The following PTPRR variants were observed in gnomAD, a reference collection of about 807,000 sequenced individuals.
PTPRR encodes the protein protein tyrosine phosphatase receptor type R.
PTPRR carries 38 observed loss-of-function variants against 77.2 expected under a neutral mutation model. The ratio of observed to expected loss-of-function variants is 0.49; its 90% CI spans 0.38 to 0.65. PTPRR has a LOEUF of 0.65. Among genes scored for constraint, PTPRR ranks in the 30% least tolerant of loss-of-function variants. The pLI is 0.00. For missense variants in PTPRR, 744 were observed against 799.2 expected (o/e 0.93, Z 0.83); for synonymous variants, 299 against 283.1 (o/e 1.06, Z -0.57).
At chr12:70,738,084 T>C (rs1889929787) in intron 6 of PTPRR, among the ~76,000 whole-genome samples, 1 of 152,206 alleles carries the variant, frequency 6.6e-6, no homozygotes, top group Middle Eastern at 3.2e-3. Flanking sequence ...TGTAGAATGG[T>C]CAACATTTTC....
intron 2 of PTPRR, among the ~76,000 whole-genome samples, chr12:70,844,110 C>T (rs552672103): frequency 1.3e-5 from 2 of 151,872 alleles, no homozygotes; most frequent in East Asian, 3.9e-4. Context: ...GTCACCATGC[C>T]CGGCTTAAAA....
intron 2 of PTPRR, among the ~76,000 whole-genome samples, chr12:70,770,391 C>G (rs893769790): frequency 9.2e-5 from 14 of 152,050 alleles, no homozygotes; most frequent in Non-Finnish European, 1.9e-4. Flanking sequence ...TTTATGCAGC[C>G]AAAAGACACA....
chr12:70,713,058 T>C (rs370657075), intron 6 of PTPRR, among the ~76,000 whole-genome samples: 4 of 152,260 alleles, frequency 2.6e-5, no homozygotes, highest in East Asian at 3.9e-4. Flanking sequence ...TCTCTCTCTC[T>C]CCAGGCTCTA....
chr12:70,831,306 T>C (rs897571830), intron 2 of PTPRR, among the ~76,000 whole-genome samples: 2 of 152,216 alleles, frequency 1.3e-5, no homozygotes, highest in Admixed American at 6.5e-5. Context: ...AATCACTTCA[T>C]TGGCAATTTA....
rs1565674697 is a variant in PTPRR at position 70,737,525 on chromosome 12, T to TCTATCTATCTAG, written c.1007+8292_1007+8293insCTAGATAGATAG. Among the ~76,000 whole-genome samples, 147 of 151,466 alleles carry TCTATCTATCTAG rather than the reference T, an allele frequency of 9.7e-4. 1 individual carries two copies. Among genetic ancestry groups the TCTATCTATCTAG allele is most frequent in the African/African-American group, 3.5e-3 (144 of 41,220 alleles). On this transcript the variant is annotated intron_variant, in intron 6 of 13. Transcript: ENST00000283228. ...ATCTATCTATCTATCTATCTATCTA[T>TCTATCTATCTAG]CTATCTATCTTTCGAGACAAAGTCT...
chr12:70,822,817 A>T (rs1478817618), intron 2 of PTPRR, among the ~76,000 whole-genome samples: 4 of 152,168 alleles, frequency 2.6e-5, no homozygotes, highest in Non-Finnish European at 4.4e-5. Flanking sequence ...TACGACCATA[A>T]TTTATTGAAA....
intron 13 of PTPRR, among the ~76,000 whole-genome samples, chr12:70,649,197 T>C (rs1886304080): frequency 6.6e-6 from 1 of 152,170 alleles, no homozygotes; most frequent in Non-Finnish European, 1.5e-5. Flanking sequence ...GGCATTGTAA[T>C]TTTTGGGGTG....
intron 2 of PTPRR, among the ~76,000 whole-genome samples, chr12:70,847,056 A>G (rs897992423): frequency 7.2e-5 from 11 of 152,136 alleles, no homozygotes; most frequent in South Asian, 2.1e-4. Context: ...GTGAAACTCA[A>G]TGATGGAAGA....
At chr12:70,820,435 G>A (rs946331375) in intron 2 of PTPRR, among the ~76,000 whole-genome samples, 3 of 152,104 alleles carry the variant, frequency 2.0e-5, no homozygotes, top group Admixed American at 1.3e-4. Context: ...CCGAGTTCAC[G>A]CCATTCTCCT....
At chr12:70,850,856 A>G (rs1231251343) in intron 2 of PTPRR, among the ~76,000 whole-genome samples, 1 of 152,204 alleles carries the variant, frequency 6.6e-6, no homozygotes, top group Non-Finnish European at 1.5e-5. Context: ...ATTGCTTTGC[A>G]CACAATACAA....
chr12:70,694,571 A>T (rs770158018), intron 8 of PTPRR, among the ~76,000 whole-genome samples: 18 of 152,290 alleles, frequency 1.2e-4, no homozygotes, highest in Middle Eastern at 3.4e-3. Context: ...CAAATATTGC[A>T]TGTTCTCACT....
chr12:70,648,912 G>C (rs1040151035), intron 13 of PTPRR, among the ~76,000 whole-genome samples: 1 of 151,924 alleles, frequency 6.6e-6, no homozygotes, highest in Non-Finnish European at 1.5e-5. Context: ...TTCAAAATAT[G>C]CTCAAAAGTA....
chr12:70,695,136 A>G (rs959533021), intron 8 of PTPRR, among the ~76,000 whole-genome samples: 10 of 152,172 alleles, frequency 6.6e-5, no homozygotes, highest in Non-Finnish European at 8.8e-5. Context: ...GCCTATCCAT[A>G]TATCTGTTGC....
At chr12:70,640,673 A>G (rs531897716) in intron 13 of PTPRR, among the ~76,000 whole-genome samples, 2 of 152,358 alleles carry the variant, frequency 1.3e-5, no homozygotes, top group South Asian at 4.1e-4. Flanking sequence ...AGTATCATTC[A>G]AAATAACTTT....
At chr12:70,750,095 C>T (rs992346551) in intron 5 of PTPRR, among the ~76,000 whole-genome samples, 1 of 152,052 alleles carries the variant, frequency 6.6e-6, no homozygotes, top group Admixed American at 6.6e-5. Flanking sequence ...TTGTGAGGTG[C>T]TAAATAAGTC....
At chr12:70,872,460 C>T (rs1408916847) in intron 2 of PTPRR, among the ~76,000 whole-genome samples, 3 of 151,860 alleles carry the variant, frequency 2.0e-5, no homozygotes, top group Non-Finnish European at 4.4e-5. Flanking sequence ...CTTTGGGAGG[C>T]CGAGGCAGGC....
rs542179097 is a variant in PTPRR at position 70,809,166 on chromosome 12, TA to T, written c.358-44389del. 2.3e-3 allele frequency among the ~76,000 whole-genome samples: 349 copies of T among 152,302 alleles called. 3 individuals are homozygous for T. The highest frequency in any genetic ancestry group is 0.01 in the Middle Eastern group (3 of 294). ...TAATAGGAAAGCTTATGTTTCCTTA[TA>T]AAAAAGACAGGCAGTAGAAGGGAGC... On this transcript the variant is annotated intron_variant, in intron 2 of 13. Transcript: ENST00000283228.
intron 10 of PTPRR, among the ~76,000 whole-genome samples, chr12:70,667,477 G>C (rs1412223937): frequency 6.6e-6 from 1 of 152,084 alleles, no homozygotes; most frequent in African/African-American, 2.4e-5. Context: ...CAACCCCCTG[G>C]TTACCCATGA....
chr12:70,769,703 T>G (rs866624215), intron 2 of PTPRR, among the ~76,000 whole-genome samples: 15,011 of 150,996 alleles, frequency 0.099, 882 homozygotes, highest in African/African-American at 0.17. Context: ...CATCACCAAG[T>G]CAATCCTAAG....
Sources: gnomAD v4.1 joint callset for allele counts (sites outside exome capture counted in the v4.1 genomes callset) on GRCh38, gnomAD v4.1.1 for gene constraint, MANE v1.5 for transcripts, NCBI Gene and HGNC (gene_info 2026-07-23, HGNC 2026-07-21) for gene names.